The following GPHN variants were observed in gnomAD, a reference collection of about 807,000 sequenced individuals.
GPHN encodes the protein gephyrin.
In GPHN, 17 loss-of-function variants were observed where a neutral mutation model predicts 95.5. The observed-to-expected ratio is 0.18, with a 90% confidence interval of 0.12 to 0.27. GPHN has a LOEUF of 0.27. Ranked by LOEUF, GPHN falls within the 10% of genes least tolerant of loss-of-function variation. The pLI is 1.00. For synonymous variants in GPHN, 320 were observed against 322.5 expected, an observed-to-expected ratio of 0.99 and a Z score of 0.08; for missense variants, 660 against 978.1, an observed-to-expected ratio of 0.67 and a Z score of 4.34.
the GPHN span, among the ~76,000 whole-genome samples, chr14:67,315,751 C>T: frequency 6.6e-6 from 1 of 151,336 alleles, no homozygotes; most frequent in East Asian, 1.9e-4. Flanking sequence ...ATGGTGAAAC[C>T]GAGCCTCTAC....
intron 2 of GPHN, among the ~76,000 whole-genome samples, chr14:66,727,720 G>T (rs1293334230): frequency 6.6e-6 from 1 of 152,178 alleles, no homozygotes; most frequent in Non-Finnish European, 1.5e-5. Context: ...GAGGTGACTT[G>T]GGTGCTGTTA....
chr14:67,639,206 G>T, the GPHN span, among the ~76,000 whole-genome samples: 3 of 152,178 alleles, frequency 2.0e-5, no homozygotes, highest in South Asian at 6.2e-4. Context: ...TCTAATACAA[G>T]TGAGTACTGT....
At chr14:67,515,492 C>G in the GPHN span, 29 of 157,242 alleles carry the variant, frequency 1.8e-4, no homozygotes, top group Non-Finnish European at 3.9e-4. Context: ...GTCTGACAGG[C>G]GCTCGCCCTG....
chr14:67,057,135 A>C (rs982762187), intron 10 of GPHN, among the ~76,000 whole-genome samples: 1 of 152,162 alleles, frequency 6.6e-6, no homozygotes, highest in African/African-American at 2.4e-5. Flanking sequence ...CCCACAGTGC[A>C]GCGGCAGGCT....
chr14:66,978,465 C>T (rs2070411006), intron 9 of GPHN, among the ~76,000 whole-genome samples: 1 of 152,076 alleles, frequency 6.6e-6, no homozygotes, highest in Admixed American at 6.5e-5. Flanking sequence ...GCATCTTTAC[C>T]AGGAGTAGAT....
At chr14:67,529,474 G>T in the GPHN span, among the ~76,000 whole-genome samples, 31 of 152,190 alleles carry the variant, frequency 2.0e-4, no homozygotes, top group African/African-American at 7.5e-4. Flanking sequence ...GTGAGTAACT[G>T]AATGAATAAA....
At chr14:67,335,214 C>G in the GPHN span, 2 of 152,166 alleles carry the variant, frequency 1.3e-5, no homozygotes, top group Non-Finnish European at 2.9e-5. Flanking sequence ...TTTTCTAAAT[C>G]CTAGTGATGA....
At chr14:67,296,424 T>C in the GPHN span, among the ~76,000 whole-genome samples, 23,282 of 151,282 alleles carry the variant, frequency 0.15, 3,336 homozygotes, top group East Asian at 0.41. Context: ...CATGGTGAAA[T>C]GCTGTCTCTA....
chr14:66,680,334 T>G (rs111420697), intron 1 of GPHN, among the ~76,000 whole-genome samples: 76 of 152,354 alleles, frequency 5.0e-4, no homozygotes, highest in African/African-American at 1.6e-3. Context: ...TATTAAAATT[T>G]TATCCTCACA....
chr14:67,656,490 T>G, the GPHN span: 5 of 1,613,888 alleles, frequency 3.1e-6, no homozygotes, highest in East Asian at 8.9e-5. Context: ...ATCTGGTCAG[T>G]CTCTGTGGCA....
the GPHN span, among the ~76,000 whole-genome samples, chr14:67,276,505 G>A: frequency 1.3e-5 from 2 of 152,060 alleles, no homozygotes; most frequent in Non-Finnish European, 2.9e-5. Flanking sequence ...AGTTCATTGT[G>A]ACATTCCAAG....
At chr14:67,504,550 T>C in the GPHN span, among the ~76,000 whole-genome samples, 1 of 152,148 alleles carries the variant, frequency 6.6e-6, no homozygotes, top group Non-Finnish European at 1.5e-5. Flanking sequence ...AATGATGGTT[T>C]TGATGATACA....
intron 1 of GPHN, among the ~76,000 whole-genome samples, chr14:66,531,443 A>T (rs948972835): frequency 7.2e-5 from 11 of 152,176 alleles, no homozygotes; most frequent in African/African-American, 2.4e-4. Context: ...CTCAAAACAA[A>T]CAAACAAAAA....
chr14:67,225,830 A>G, the GPHN span, among the ~76,000 whole-genome samples: 387 of 152,272 alleles, frequency 2.5e-3, 3 homozygotes, highest in African/African-American at 9.1e-3. Context: ...TCTCTCAGCC[A>G]TGATAACAAC....
chr14:67,095,619 G>A (rs1344877872), intron 12 of GPHN, among the ~76,000 whole-genome samples: 4 of 151,832 alleles, frequency 2.6e-5, no homozygotes, highest in Non-Finnish European at 4.4e-5. Flanking sequence ...ATGAGTTCAT[G>A]TCCTTTGTAG....
At chr14:66,617,358 G>A (rs966286897) in intron 1 of GPHN, among the ~76,000 whole-genome samples, 5 of 152,178 alleles carry the variant, frequency 3.3e-5, no homozygotes, top group African/African-American at 1.2e-4. Context: ...TTCGCAAGTT[G>A]GATCTTCTGA....
intron 5 of GPHN, among the ~76,000 whole-genome samples, chr14:66,890,859 A>G (rs2064453019): frequency 6.6e-6 from 1 of 151,750 alleles, no homozygotes; most frequent in Admixed American, 6.6e-5. Context: ...ATGGGTGCTG[A>G]AAAAAAATTT....
the GPHN span, among the ~76,000 whole-genome samples, chr14:67,458,159 C>T: frequency 3.2e-3 from 481 of 152,246 alleles, 1 homozygote; most frequent in African/African-American, 0.011. Context: ...CTTTCAGCTT[C>T]GGATCTTTGC....
chr14:67,102,345 G>A (rs1307432956), intron 13 of GPHN, among the ~76,000 whole-genome samples: 3 of 151,970 alleles, frequency 2.0e-5, no homozygotes, highest in Non-Finnish European at 2.9e-5. Flanking sequence ...ATACCCAACT[G>A]CTACTACCAA....
Sources: allele counts gnomAD v4.1 joint callset (sites outside exome capture counted in the v4.1 genomes callset), GRCh38; gene constraint gnomAD v4.1.1; transcripts MANE v1.5; gene names NCBI Gene and HGNC (gene_info 2026-07-23, HGNC 2026-07-21).